Variants in FRAS1 observed in about 807,000 individuals in gnomAD.
The protein encoded by FRAS1 is Fraser extracellular matrix complex subunit 1, also known as extracellular matrix organizing protein FRAS1.
FRAS1 carries 290 observed loss-of-function variants against 435.2 expected under a neutral mutation model. The observed-to-expected ratio is 0.67, with a 90% CI of 0.61 to 0.73. The LOEUF is 0.73. Among genes scored for constraint, FRAS1 ranks in the 30% least tolerant of loss-of-function variants. The pLI is 0.00. For synonymous variants in FRAS1, 1,800 were observed against 1,851.0 expected (o/e 0.97, Z 0.71); for missense variants, 4,860 against 5,001.5 (o/e 0.97, Z 0.85).
At chr4:78,159,300 C>T (rs1643148072) in intron 2 of FRAS1, among the ~76,000 whole-genome samples, 3 of 151,942 alleles carry the variant, frequency 2.0e-5, no homozygotes. Context: ...AGGAAGTGAC[C>T]AAGGAAAGCA....
At chr4:78,431,704 A>G (rs567496938) in intron 37 of FRAS1, among the ~76,000 whole-genome samples, 4 of 152,298 alleles carry the variant, frequency 2.6e-5, no homozygotes, top group South Asian at 2.1e-4. Context: ...TAATACTTAT[A>G]TACTAAAATG....
intron 4 of FRAS1, among the ~76,000 whole-genome samples, chr4:78,250,608 A>T (rs142080510): frequency 6.6e-6 from 1 of 152,296 alleles, no homozygotes; most frequent in East Asian, 1.9e-4. Flanking sequence ...TTAGTCATTA[A>T]AATTTAATTT....
intron 58 of FRAS1, 116 bp from the exon 59 acceptor site, chr4:78,488,759 T>A: frequency 8.2e-6 from 7 of 852,056 alleles, no homozygotes; most frequent in Non-Finnish European, 9.1e-6. Context: ...TCAGCCTACC[T>A]TGGGCTTTGG....
At chr4:78,363,835 C>G in intron 21 of FRAS1, 73 bp from the exon 22 acceptor site, 1 of 1,526,082 alleles carries the variant, frequency 6.6e-7, no homozygotes, top group Non-Finnish European at 8.9e-7. Flanking sequence ...GACTTTATTA[C>G]CCACACTTGG....
chr4:78,530,870 G>T (rs530945137), intron 70 of FRAS1, among the ~76,000 whole-genome samples: 3 of 152,262 alleles, frequency 2.0e-5, no homozygotes, highest in Non-Finnish European at 4.4e-5. Context: ...TTCTAATTCT[G>T]TGAAGAAAGT....
At chr4:78,140,012 A>C (rs1720091757) in intron 2 of FRAS1, among the ~76,000 whole-genome samples, 1 of 152,120 alleles carries the variant, frequency 6.6e-6, no homozygotes, top group Admixed American at 6.6e-5. Context: ...TTTCCTTTTA[A>C]ATGTTTCCTT....
intron 30 of FRAS1, among the ~76,000 whole-genome samples, chr4:78,401,662 CAAG>C (rs1334415419): frequency 2.0e-5 from 3 of 149,516 alleles, no homozygotes; most frequent in African/African-American, 7.4e-5. Flanking sequence ...AGAGTAGAAA[CAAG>C]AAGCTTATCA....
intron 9 of FRAS1, among the ~76,000 whole-genome samples, chr4:78,273,465 C>T (rs1287221106): frequency 1.3e-5 from 2 of 152,148 alleles, no homozygotes; most frequent in Non-Finnish European, 2.9e-5. Context: ...GTAAATAGCT[C>T]TTAATATTCT....
Position 78,095,727 on chromosome 4 carries a change from A to G in FRAS1, c.108+29711A>G, listed in dbSNP as rs114629721. On this transcript the variant is annotated intron_variant, in intron 2 of 73. Transcript: ENST00000512123. ...AAAACCCTCAGATCTTTTGAGACTT[A>G]TTCACTATCACAAGAACAGCACAGG... Among the ~76,000 whole-genome samples the G allele has an allele frequency of 2.0e-3, 308 of 152,324 alleles. 3 individuals are homozygous for G. Among genetic ancestry groups the G allele is most frequent in the Non-Finnish European group, 3.6e-3 (242 of 68,022 alleles).
chr4:78,486,978 A>C (rs998195338), intron 58 of FRAS1, among the ~76,000 whole-genome samples: 8 of 152,160 alleles, frequency 5.3e-5, no homozygotes, highest in Non-Finnish European at 1.5e-5. Context: ...TTCAGCCTTT[A>C]ACTTTCTCAT....
intron 2 of FRAS1, among the ~76,000 whole-genome samples, chr4:78,113,650 C>A: frequency 6.6e-6 from 1 of 152,114 alleles, no homozygotes; most frequent in African/African-American, 2.4e-5. Flanking sequence ...CTGTTCATAT[C>A]CTTTGCCCAC....
intron 31 of FRAS1, among the ~76,000 whole-genome samples, chr4:78,410,395 GA>G (rs1285343141): frequency 6.8e-6 from 1 of 147,726 alleles, no homozygotes; most frequent in African/African-American, 2.5e-5. Context: ...GCCATATATG[GA>G]AAAAAATAAA....
intron 2 of FRAS1, among the ~76,000 whole-genome samples, chr4:78,210,054 A>C (rs973400043): frequency 6.6e-6 from 1 of 152,074 alleles, no homozygotes; most frequent in Non-Finnish European, 1.5e-5. Flanking sequence ...ATCTCTTGCT[A>C]GTCCCCTTCA....
At chr4:78,198,021 A>G (rs144608782) in intron 2 of FRAS1, among the ~76,000 whole-genome samples, 4 of 151,818 alleles carry the variant, frequency 2.6e-5, no homozygotes, top group African/African-American at 9.7e-5. Context: ...TTTCCTTCAT[A>G]TCTCCTCCAC....
intron 15 of FRAS1, among the ~76,000 whole-genome samples, chr4:78,311,644 C>A (rs184640542): frequency 6.6e-6 from 1 of 152,286 alleles, no homozygotes; most frequent in African/African-American, 2.4e-5. Context: ...CAAGTAGTGC[C>A]GGGTTACTTG....
intron 33 of FRAS1, 146 bp downstream of exon 33, chr4:78,419,209 C>T (rs1008891440): frequency 1.9e-6 from 1 of 533,104 alleles, no homozygotes; most frequent in East Asian, 3.3e-5. Flanking sequence ...ATATTTCTCG[C>T]TCCTGTCTTC....
intron 14 of FRAS1, among the ~76,000 whole-genome samples, chr4:78,291,837 C>T (rs1275651729): frequency 6.6e-6 from 1 of 152,124 alleles, no homozygotes; most frequent in Non-Finnish European, 1.5e-5. Context: ...TGTATGGTCT[C>T]AGATTTTGAG....
chr4:78,169,688 C>T (rs1330828260), intron 2 of FRAS1, among the ~76,000 whole-genome samples: 1 of 152,036 alleles, frequency 6.6e-6, no homozygotes, highest in Non-Finnish European at 1.5e-5. Context: ...ATATCTTGAC[C>T]ATTGCTACTT....
intron 2 of FRAS1, among the ~76,000 whole-genome samples, chr4:78,212,168 A>C (rs1360959724): frequency 6.6e-6 from 1 of 152,224 alleles, no homozygotes; most frequent in East Asian, 1.9e-4. Context: ...AATACTGGCT[A>C]AGTAATACTT....
Sources: gnomAD v4.1 joint callset for allele counts (sites outside exome capture counted in the v4.1 genomes callset) on GRCh38, gnomAD v4.1.1 for gene constraint, MANE v1.5 for transcripts, NCBI Gene and HGNC (gene_info 2026-07-23, HGNC 2026-07-21) for gene names.